The following SARS2 variants were observed in gnomAD, a reference collection of about 807,000 sequenced individuals.
SARS2 encodes the protein seryl-tRNA synthetase 2, mitochondrial.
SARS2 carries 52 observed loss-of-function variants against 66.8 expected under a neutral mutation model. That is an observed-to-expected ratio of 0.78 (90% confidence interval 0.62 to 0.98). SARS2 has a LOEUF of 0.98. Among genes scored for constraint, SARS2 ranks in the 50% least tolerant of loss-of-function variants. SARS2 has a pLI of 0.00. For synonymous variants in SARS2, 306 were observed against 281.4 expected, an observed-to-expected ratio of 1.09 and a Z score of -0.87; for missense variants, 673 against 706.3, an observed-to-expected ratio of 0.95 and a Z score of 0.53.
At chr19:38,927,694 A>G (rs1359546893) in intron 1 of SARS2, among the ~76,000 whole-genome samples, 2 of 152,222 alleles carry the variant, frequency 1.3e-5, no homozygotes, top group African/African-American at 4.8e-5. Flanking sequence ...ACGTTTCCAC[A>G]ACACAATTCT....
intron 2 of SARS2, among the ~76,000 whole-genome samples, chr19:38,923,868 G>T (rs12971945): frequency 6.6e-6 from 1 of 151,958 alleles, no homozygotes; most frequent in Admixed American, 6.5e-5. Context: ...CAGCTACTCG[G>T]GAGGCTGAGG....
At position 38,916,321 on chromosome 19, in the gene SARS2, T is replaced by C. The variant is rs772124422; in HGVS notation, c.1161-7A>G. 1 of 1,613,110 alleles carries C rather than the reference T, an allele frequency of 6.2e-7. No individual in the cohort carries two copies. Among genetic ancestry groups the C allele is most frequent in the South Asian group, 1.1e-5 (1 of 91,032 alleles). Reference sequence around the variant, plus strand: ...GGTGGGCATATCCAGGACCCTGCGGTCAAGGACGAAGGTGTGGGGAAGGTC... The same window carrying C: ...GGTGGGCATATCCAGGACCCTGCGGCCAAGGACGAAGGTGTGGGGAAGGTC... On this transcript the variant is annotated splice_region_variant and splice_polypyrimidine_tract_variant and intron_variant, in intron 12 of 15. Transcript: ENST00000221431.
At chr19:38,927,152 G>A (rs1272516753) in intron 1 of SARS2, among the ~76,000 whole-genome samples, 1 of 151,852 alleles carries the variant, frequency 6.6e-6, no homozygotes, top group Non-Finnish European at 1.5e-5. Flanking sequence ...TGGCCAGGCT[G>A]GTCTGGAATT....
chr19:38,929,372 T>G (rs528312616), intron 1 of SARS2, among the ~76,000 whole-genome samples: 30 of 151,340 alleles, frequency 2.0e-4, no homozygotes, highest in Non-Finnish European at 4.0e-4. Context: ...CTGGGCAACA[T>G]AGTATGTCCC....
chr19:38,926,106 G>T, intron 2 of SARS2, 99 bp downstream of exon 2: 2 of 1,033,092 alleles, frequency 1.9e-6, no homozygotes, highest in Non-Finnish European at 3.0e-6. Context: ...GTGAGCCACC[G>T]TGCCAGCCTG....
chr19:38,917,567 T>C (rs988010635), intron 12 of SARS2, among the ~76,000 whole-genome samples, 157 bp downstream of exon 12: 1 of 152,202 alleles, frequency 6.6e-6, no homozygotes, highest in African/African-American at 2.4e-5. Context: ...GGCAGACAGA[T>C]TGGGATCCTG....
Position 38,918,471 on chromosome 19 carries a change from G to C in SARS2, c.867C>G (p.Ala289=). 6.2e-7 allele frequency: 1 copy of C among 1,614,214 alleles called. No homozygotes were observed. Among genetic ancestry groups the C allele is most frequent in the South Asian group, 1.1e-5 (1 of 91,086 alleles). ...NPSQIYNIDP[A]RFKDLNLAGT... ...CAGCCAGGTTGAGATCTTTGAAGCG[G>C]GCAGGGTCGATGTTGTAAATTTGGG... The change falls in exon 9 of 16, where the codon GCC becomes GCG. Residue 289 remains alanine, a synonymous_variant. Coordinates refer to ENST00000221431, the MANE Select transcript of SARS2 (RefSeq NM_017827.4).
chr19:38,925,654 G>A lies in SARS2; in HGVS notation c.363+551C>T, dbSNP rs543255221. Among the ~76,000 whole-genome samples, 283 of 152,318 alleles carry A rather than the reference G, an allele frequency of 1.9e-3. 2 individuals carry two copies. Among genetic ancestry groups the A allele is most frequent in the Non-Finnish European group, 3.2e-3 (218 of 68,028 alleles). On this transcript the variant is annotated intron_variant, in intron 2 of 15. Transcript: ENST00000221431. ...ACTACAGCAGCCATCTGGAAACCCT[G>A]ATGGGAAACTGAGGAAAGATCAGTG...
At chr19:38,924,866 T>C (rs1401503176) in intron 2 of SARS2, among the ~76,000 whole-genome samples, 3 of 152,210 alleles carry the variant, frequency 2.0e-5, no homozygotes, top group African/African-American at 4.8e-5. Flanking sequence ...AAATTGGGTT[T>C]GTATTGTTCC....
chr19:38,921,976 C>A (rs553120060), intron 3 of SARS2: 9 of 1,551,550 alleles, frequency 5.8e-6, no homozygotes, highest in Non-Finnish European at 7.8e-6. Context: ...ATCAGGAAAG[C>A]GTGCTTGACT....
intron 5 of SARS2, 64 bp from the exon 6 acceptor site, chr19:38,920,213 A>T: frequency 7.7e-7 from 1 of 1,307,152 alleles, no homozygotes; most frequent in South Asian, 1.3e-5. Flanking sequence ...CCCAGATAGA[A>T]GCTTCCAGAG....
At chr19:38,922,216 G>T in intron 3 of SARS2, 22 bp downstream of exon 3, 2 of 1,613,482 alleles carry the variant, frequency 1.2e-6, no homozygotes, top group Non-Finnish European at 1.7e-6. Flanking sequence ...ACCCTGGATA[G>T]GACATCAACT....
At chr19:38,923,540 A>T (rs1375888270) in intron 2 of SARS2, among the ~76,000 whole-genome samples, 1 of 151,116 alleles carries the variant, frequency 6.6e-6, no homozygotes, top group Non-Finnish European at 1.5e-5. Context: ...TCTTTATAGC[A>T]GTGTGAAAAT....
chr19:38,921,847 A>G (rs1167543547), intron 3 of SARS2, 180 bp from the exon 4 acceptor site: 5 of 1,323,404 alleles, frequency 3.8e-6, no homozygotes, highest in African/African-American at 1.5e-5. Context: ...TGTGGGGAAA[A>G]GAATCAGGCC....
intron 3 of SARS2, chr19:38,921,989 G>T: frequency 1.3e-6 from 2 of 1,551,798 alleles, no homozygotes; most frequent in South Asian, 2.4e-5. Context: ...GCTTGACTTT[G>T]CCTCCTACTT....
chr19:38,928,356 C>A (rs762745531), intron 1 of SARS2: 1 of 150,138 alleles, frequency 6.7e-6, no homozygotes, highest in Non-Finnish European at 1.5e-5. Context: ...CAGGCCTGGG[C>A]GACAGAGGAA....
chr19:38,918,709 A>AC (rs1974464963), intron 8 of SARS2, 57 bp downstream of exon 8: 1 of 1,539,818 alleles, frequency 6.5e-7, no homozygotes, highest in African/African-American at 1.4e-5. Context: ...TGCCTCGGGC[A>AC]CCCACGGCAG....
chr19:38,920,408 A>T (rs1256935118), intron 5 of SARS2, among the ~76,000 whole-genome samples: 1 of 151,782 alleles, frequency 6.6e-6, no homozygotes, highest in East Asian at 1.9e-4. Flanking sequence ...GGGGTGGGGA[A>T]GGCAGAGTTA....
intron 12 of SARS2, among the ~76,000 whole-genome samples, chr19:38,917,466 C>G (rs1419615535): frequency 6.6e-6 from 1 of 152,196 alleles, no homozygotes; most frequent in Non-Finnish European, 1.5e-5. Flanking sequence ...AGAGGGGGAG[C>G]AGCAGGAGGA....
Sources: allele counts gnomAD v4.1 joint callset (sites outside exome capture counted in the v4.1 genomes callset), GRCh38; gene constraint gnomAD v4.1.1; transcripts MANE v1.5; gene names NCBI Gene and HGNC (gene_info 2026-07-23, HGNC 2026-07-21).